TNFAIP8: variants seen among roughly 807,000 people sequenced by gnomAD.
The protein encoded by TNFAIP8 is TNF alpha induced protein 8.
In TNFAIP8, 7 loss-of-function variants were observed where a neutral mutation model predicts 13.3. That is an observed-to-expected ratio of 0.52 (90% confidence interval 0.30 to 0.99). The LOEUF (loss-of-function observed/expected upper bound fraction) is 0.99. Ranked by LOEUF, TNFAIP8 falls within the 50% of genes least tolerant of loss-of-function variation. The pLI is 0.07. For missense variants in TNFAIP8, 258 were observed against 236.9 expected, an observed-to-expected ratio of 1.09 and a Z score of -0.58; for synonymous variants, 94 against 87.6, an observed-to-expected ratio of 1.07 and a Z score of -0.41.
In TNFAIP8 at chr5:119,332,163, G is replaced by C. The variant is rs147400917; in HGVS notation, c.2-60653G>C. On this transcript the variant is annotated intron_variant, in intron 1 of 1. Transcript: ENST00000274456. ...ATGTTTGTAAATTGATGTTGATTTG[G>C]TATCTCTTTTGGCCTCCTTCCCAAA... Among the ~76,000 whole-genome samples the C allele has an allele frequency of 6.4e-3, 979 of 152,230 alleles. 7 individuals are homozygous for C. Among genetic ancestry groups the C allele is most frequent in the African/African-American group, 0.021 (887 of 41,526 alleles).
intron 1 of TNFAIP8, among the ~76,000 whole-genome samples, chr5:119,298,596 C>A (rs1581582524): frequency 6.6e-6 from 1 of 151,414 alleles, no homozygotes; most frequent in East Asian, 1.9e-4. Context: ...TGGAGTTGCT[C>A]TTCTCGAGGA....
At chr5:119,381,930 TA>T (rs1270368596) in intron 1 of TNFAIP8, among the ~76,000 whole-genome samples, 2 of 150,616 alleles carry the variant, frequency 1.3e-5, no homozygotes, top group African/African-American at 4.9e-5. Flanking sequence ...TCAAAAAAAA[TA>T]AAAAAAAACA....
chr5:119,274,425 G>C (rs1748380512), intron 1 of TNFAIP8, among the ~76,000 whole-genome samples: 1 of 152,224 alleles, frequency 6.6e-6, no homozygotes, highest in Non-Finnish European at 1.5e-5. Context: ...TACACTTGAA[G>C]GGCAGAGCAG....
At chr5:119,374,183 A>C (rs1158016430) in intron 1 of TNFAIP8, among the ~76,000 whole-genome samples, 1 of 151,888 alleles carries the variant, frequency 6.6e-6, no homozygotes, top group Non-Finnish European at 1.5e-5. Context: ...GAAGTGTTTT[A>C]GATTTTGGAT....
At chr5:119,277,216 AC>A (rs1165262690) in intron 1 of TNFAIP8, among the ~76,000 whole-genome samples, 5 of 152,166 alleles carry the variant, frequency 3.3e-5, no homozygotes, top group Non-Finnish European at 5.9e-5. Context: ...TACTGAGGAG[AC>A]CACACCGTTT....
At chr5:119,269,669 A>C (rs1748212474) in intron 1 of TNFAIP8, among the ~76,000 whole-genome samples, 1 of 152,234 alleles carries the variant, frequency 6.6e-6, no homozygotes, top group Non-Finnish European at 1.5e-5. Context: ...CAGAAGCTCT[A>C]AGTAGAAAAA....
intron 1 of TNFAIP8, among the ~76,000 whole-genome samples, chr5:119,381,741 T>TTTTACCA (rs1381891187): frequency 6.6e-6 from 1 of 151,666 alleles, no homozygotes; most frequent in Non-Finnish European, 1.5e-5. Flanking sequence ...AGGGACAGAG[T>TTTTACCA]GGCCAATATG....
intron 1 of TNFAIP8, among the ~76,000 whole-genome samples, chr5:119,270,540 G>A (rs950237628): frequency 1.3e-5 from 2 of 152,194 alleles, no homozygotes; most frequent in African/African-American, 4.8e-5. Context: ...GGGACTACAG[G>A]GGCCCACAAG....
At chr5:119,359,023 G>C (rs981290234) in intron 1 of TNFAIP8, among the ~76,000 whole-genome samples, 1 of 152,096 alleles carries the variant, frequency 6.6e-6, no homozygotes, top group Non-Finnish European at 1.5e-5. Context: ...ATTTCACAAA[G>C]AAAACAGTAG....
intron 1 of TNFAIP8, among the ~76,000 whole-genome samples, chr5:119,286,337 T>A (rs1173440070): frequency 6.6e-6 from 1 of 152,032 alleles, no homozygotes; most frequent in Non-Finnish European, 1.5e-5. Context: ...TAAAAAAAAG[T>A]CCCGGTTGGC....
At chr5:119,309,767 G>GC (rs1749675253) in intron 1 of TNFAIP8, among the ~76,000 whole-genome samples, 1 of 152,230 alleles carries the variant, frequency 6.6e-6, no homozygotes. Context: ...CTGCTAGGGA[G>GC]TCTGTGGGCC....
At chr5:119,364,173 T>C (rs956067354) in intron 1 of TNFAIP8, among the ~76,000 whole-genome samples, 5 of 152,202 alleles carry the variant, frequency 3.3e-5, no homozygotes, top group African/African-American at 1.2e-4. Flanking sequence ...AATCACCTGA[T>C]TGGTTCGTCT....
At chr5:119,268,778 G>C in exon 1 of TNFAIP8, 1 of 674,682 alleles carries the variant, frequency 1.5e-6, no homozygotes, top group Non-Finnish European at 2.7e-6. Context: ...CTTTTCTCCC[G>C]CCGGCTCTAA....
chr5:119,278,352 G>GGGA (rs376703661), intron 1 of TNFAIP8, among the ~76,000 whole-genome samples: 2,675 of 122,570 alleles, frequency 0.022, 38 homozygotes, highest in Non-Finnish European at 0.03. Context: ...ACAGGAAGGG[G>GGGA]GAGAGAGAGA....
chr5:119,338,207 CA>C (rs1562006803), intron 1 of TNFAIP8, among the ~76,000 whole-genome samples: 1,563 of 143,030 alleles, frequency 0.011, 28 homozygotes, highest in African/African-American at 0.042. Flanking sequence ...CACACACACA[CA>C]CACCTTCTCA....
At chr5:119,311,645 C>T (rs965585078) in intron 1 of TNFAIP8, among the ~76,000 whole-genome samples, 2 of 127,718 alleles carry the variant, frequency 1.6e-5, no homozygotes, top group African/African-American at 5.7e-5. Flanking sequence ...GCCAAAATTG[C>T]GCCACTGCAC....
chr5:119,270,076 T>C (rs1436818559), intron 1 of TNFAIP8, among the ~76,000 whole-genome samples: 2 of 152,224 alleles, frequency 1.3e-5, no homozygotes, highest in Non-Finnish European at 2.9e-5. Context: ...ACATTCTGAG[T>C]AGAAATTATT....
intron 1 of TNFAIP8, among the ~76,000 whole-genome samples, chr5:119,346,958 G>T (rs1262685871): frequency 6.6e-6 from 1 of 152,198 alleles, no homozygotes; most frequent in Non-Finnish European, 1.5e-5. Context: ...AGTGAAAATT[G>T]TATGGGGTCA....
At chr5:119,338,236 A>G (rs1240783432) in intron 1 of TNFAIP8, among the ~76,000 whole-genome samples, 1 of 146,498 alleles carries the variant, frequency 6.8e-6, no homozygotes, top group Non-Finnish European at 1.5e-5. Context: ...GTCACACCCT[A>G]CAAGTCTTGT....
Sources: allele counts gnomAD v4.1 joint callset (sites outside exome capture counted in the v4.1 genomes callset), GRCh38; gene constraint gnomAD v4.1.1; transcripts MANE v1.5; gene names NCBI Gene and HGNC (gene_info 2026-07-23, HGNC 2026-07-21).